The following CTNNA3 variants were observed in gnomAD, a reference collection of about 807,000 sequenced individuals.
The protein encoded by CTNNA3 is catenin alpha 3.
In CTNNA3, 76 loss-of-function variants were observed where a neutral mutation model predicts 95.7. The observed-to-expected ratio is 0.79, with a 90% confidence interval of 0.66 to 0.96. The LOEUF is 0.96. Ranked by LOEUF, CTNNA3 falls within the 40% of genes least tolerant of loss-of-function variation. CTNNA3 has a pLI of 0.00. For missense variants in CTNNA3, 1,191 were observed against 1,089.8 expected (o/e 1.09, Z -1.31); for synonymous variants, 431 against 374.4 (o/e 1.15, Z -1.74).
chr10:66,572,228 C>T (rs967706372), intron 10 of CTNNA3, among the ~76,000 whole-genome samples: 10 of 151,458 alleles, frequency 6.6e-5, no homozygotes, highest in African/African-American at 2.4e-4. Context: ...ACTAAAAATA[C>T]AAAAAATAGC....
intron 5 of CTNNA3, among the ~76,000 whole-genome samples, chr10:67,249,478 G>C (rs1866024870): frequency 6.6e-6 from 1 of 152,022 alleles, no homozygotes. Context: ...TTTTTGATTG[G>C]TTCTTGGGAA....
chr10:67,579,718 G>T (rs1225666325), intron 3 of CTNNA3, among the ~76,000 whole-genome samples: 3 of 152,138 alleles, frequency 2.0e-5, no homozygotes, highest in South Asian at 2.1e-4. Flanking sequence ...AGCACCTGTT[G>T]TTTCCTGACT....
At chr10:66,982,107 C>T (rs1850475401) in intron 7 of CTNNA3, among the ~76,000 whole-genome samples, 1 of 152,134 alleles carries the variant, frequency 6.6e-6, no homozygotes, top group Non-Finnish European at 1.5e-5. Flanking sequence ...ATAAGCCATC[C>T]AATATGCTAG....
intron 9 of CTNNA3, among the ~76,000 whole-genome samples, chr10:66,635,235 C>T (rs1219024551): frequency 6.6e-6 from 1 of 151,850 alleles, no homozygotes; most frequent in Non-Finnish European, 1.5e-5. Context: ...ATTGAAGTAC[C>T]AAAGAGATGA....
rs1589248835 is a variant in CTNNA3 at position 66,013,141 on chromosome 10, T to C, written c.2160-24344A>G. ...GTCTTGAACTCCTGACCTTGGGTGA[T>C]CCACCTGCCTTGGGTTCCCAAAGTG... On this transcript the variant is annotated intron_variant, in intron 15 of 17. Coordinates refer to ENST00000433211, the MANE Select transcript of CTNNA3 (RefSeq NM_013266.4). Among the ~76,000 whole-genome samples the C allele has an allele frequency of 2.0e-5, 3 of 152,222 alleles. No individual in the cohort carries two copies. In the South Asian group the frequency reaches 6.2e-4, roughly 32 times the overall value.
chr10:66,057,880 T>C (rs1473892003), intron 15 of CTNNA3, among the ~76,000 whole-genome samples: 1 of 152,212 alleles, frequency 6.6e-6, no homozygotes, highest in Non-Finnish European at 1.5e-5. Flanking sequence ...ATTTCAATTA[T>C]TTGTTAGATA....
intron 8 of CTNNA3, among the ~76,000 whole-genome samples, chr10:66,768,029 T>G (rs1839936477): frequency 6.6e-6 from 1 of 152,172 alleles, no homozygotes; most frequent in Non-Finnish European, 1.5e-5. Flanking sequence ...AATAATGTGT[T>G]TGCTGTCTAT....
At chr10:67,577,493 G>T (rs1037427287) in intron 3 of CTNNA3, among the ~76,000 whole-genome samples, 1 of 151,990 alleles carries the variant, frequency 6.6e-6, no homozygotes, top group African/African-American at 2.4e-5. Context: ...TCACTCTGAT[G>T]GTAGTTTCTT....
At chr10:66,079,503 A>T (rs991406246) in intron 14 of CTNNA3, among the ~76,000 whole-genome samples, 3 of 151,960 alleles carry the variant, frequency 2.0e-5, no homozygotes, top group African/African-American at 4.8e-5. Flanking sequence ...GCATGAATAT[A>T]ATTTTATTAC....
chr10:66,109,011 T>C (rs1189974611), intron 13 of CTNNA3, among the ~76,000 whole-genome samples: 1 of 152,188 alleles, frequency 6.6e-6, no homozygotes, highest in African/African-American at 2.4e-5. Context: ...TTCTCAGATG[T>C]GGAGGACTAA....
intron 11 of CTNNA3, among the ~76,000 whole-genome samples, chr10:66,513,555 G>A (rs1046758433): frequency 6.6e-6 from 1 of 152,180 alleles, no homozygotes; most frequent in Admixed American, 6.5e-5. Flanking sequence ...GTACACAAAG[G>A]TACATAGTGG....
intron 13 of CTNNA3, among the ~76,000 whole-genome samples, chr10:66,265,824 T>C (rs1340321576): frequency 6.6e-6 from 1 of 152,020 alleles, no homozygotes; most frequent in Non-Finnish European, 1.5e-5. Context: ...CTATCACTCA[T>C]CATAACTACT....
At chr10:67,194,534 A>C (rs183717462) in intron 6 of CTNNA3, among the ~76,000 whole-genome samples, 1 of 151,228 alleles carries the variant, frequency 6.6e-6, no homozygotes, top group East Asian at 2.0e-4. Flanking sequence ...GGAGACAGTA[A>C]GAAGTCAGTG....
intron 10 of CTNNA3, among the ~76,000 whole-genome samples, chr10:66,581,550 T>C (rs184601540): frequency 3.6e-4 from 55 of 151,918 alleles, no homozygotes; most frequent in African/African-American, 1.3e-3. Context: ...TGTATATTTT[T>C]TGAGAAATAT....
At chr10:66,560,675 T>C (rs1842525713) in intron 10 of CTNNA3, among the ~76,000 whole-genome samples, 2 of 152,210 alleles carry the variant, frequency 1.3e-5, no homozygotes, top group South Asian at 4.1e-4. Context: ...TGATCTATAA[T>C]GGAGTGTGGT....
intron 13 of CTNNA3, among the ~76,000 whole-genome samples, chr10:66,168,746 T>A (rs2085268882): frequency 6.6e-6 from 1 of 152,188 alleles, no homozygotes; most frequent in South Asian, 2.1e-4. Flanking sequence ...CTTTGTAGAT[T>A]TGTGTCCCTG....
At chr10:66,278,215 C>A in intron 13 of CTNNA3, among the ~76,000 whole-genome samples, 1 of 148,272 alleles carries the variant, frequency 6.7e-6, no homozygotes, top group Non-Finnish European at 1.5e-5. Flanking sequence ...GGAAGTCAAC[C>A]TCTATCCAAT....
At chr10:66,544,558 A>G (rs1841979184) in intron 10 of CTNNA3, among the ~76,000 whole-genome samples, 1 of 152,120 alleles carries the variant, frequency 6.6e-6, no homozygotes, top group South Asian at 2.1e-4. Flanking sequence ...GTTTTTAGTA[A>G]TATATCCTAG....
chr10:67,692,074 G>T (rs1254705109), intron 1 of CTNNA3, among the ~76,000 whole-genome samples: 1 of 145,858 alleles, frequency 6.9e-6, no homozygotes, highest in African/African-American at 2.6e-5. Context: ...AGGTGGGGGG[G>T]TCAGCCCCCC....
Sources: allele counts gnomAD v4.1 joint callset (sites outside exome capture counted in the v4.1 genomes callset), GRCh38; gene constraint gnomAD v4.1.1; transcripts MANE v1.5; gene names NCBI Gene and HGNC (gene_info 2026-07-23, HGNC 2026-07-21).